The following THRA variants were observed in gnomAD, a reference collection of about 807,000 sequenced individuals.
THRA encodes EAR-7.
A neutral mutation model predicts 45.0 loss-of-function variants in THRA; 13 were observed. The observed-to-expected ratio is 0.29, with a 90% CI of 0.19 to 0.46. The LOEUF is 0.46. Among genes scored for constraint, THRA ranks in the 20% least tolerant of loss-of-function variants. THRA has a pLI of 1.00. For synonymous variants in THRA, 195 were observed against 214.0 expected, an observed-to-expected ratio of 0.91 and a Z score of 0.78; for missense variants, 278 against 556.1, an observed-to-expected ratio of 0.50 and a Z score of 5.03.
intron 2 of THRA, among the ~76,000 whole-genome samples, chr17:40,075,995 C>T (rs1024558109): frequency 4.6e-5 from 7 of 152,180 alleles, no homozygotes; most frequent in Non-Finnish European, 8.8e-5. Flanking sequence ...AGGGTGGGTG[C>T]GGGAGGTTAT....
At chr17:40,066,074 C>T (rs950613668) in intron 1 of THRA, among the ~76,000 whole-genome samples, 25 of 152,314 alleles carry the variant, frequency 1.6e-4, no homozygotes, top group Admixed American at 6.5e-4. Context: ...TTTTGCCCAG[C>T]CTCAGGGCCT....
In THRA at chr17:40,074,477, G is replaced by T; in HGVS notation, c.-12G>T. 1 of 1,614,078 alleles carries T rather than the reference G, an allele frequency of 6.2e-7. No individual in the cohort carries two copies. The highest frequency in any genetic ancestry group is 8.5e-7 in the Non-Finnish European group (1 of 1,179,956). ...GGCGTGCTGGAGGGCATCCTGGATG[G>T]AATTGAAGTGAATGGAACAGAAGCC... On this transcript the variant is annotated 5_prime_UTR_variant, in exon 2 of 9. The change creates a premature stop within an existing upstream ORF in the 5' untranslated region. Coordinates refer to ENST00000450525, the MANE Select transcript of THRA (RefSeq NM_199334.5).
intron 4 of THRA, among the ~76,000 whole-genome samples, chr17:40,081,376 T>C (rs1987131999): frequency 1.3e-5 from 2 of 152,088 alleles, no homozygotes; most frequent in African/African-American, 2.4e-5. Context: ...TCCTCCCACC[T>C]CAGCCTCCAG....
chr17:40,074,331 T>C lies in THRA; in HGVS notation c.-158T>C, dbSNP rs555119670. Reference sequence around the variant, plus strand: ...CCCGCCCCCCTTGGGGCGCAGGGCATGGTGTGAAAGGCCAAGTGCTGAGGC... The same window carrying C: ...CCCGCCCCCCTTGGGGCGCAGGGCACGGTGTGAAAGGCCAAGTGCTGAGGC... On this transcript the variant is annotated 5_prime_UTR_variant, in exon 2 of 9. An upstream start codon of the reference 5' UTR is lost. Transcript: ENST00000450525. The C allele has an allele frequency of 5.5e-4, 404 of 730,622 alleles. 4 individuals carry two copies. The highest frequency in any genetic ancestry group is 2.8e-5 in the Non-Finnish European group (12 of 432,548). The allele number at this position is 730,622 out of a possible 1,614,324, so 45.3% of individuals were successfully genotyped here. A position where few individuals can be genotyped will look rare whatever the true frequency, so the allele number is the denominator to read the frequency against.
chr17:40,089,967 T>A lies in THRA; in HGVS notation c.*511T>A. 1 of 990,366 alleles carries A rather than the reference T, an allele frequency of 1.0e-6. No homozygotes were observed. Among genetic ancestry groups the A allele is most frequent in the South Asian group, 4.6e-5 (1 of 21,628 alleles). 61.3% of individuals were successfully genotyped at this position (990,366 alleles called of 1,614,324 possible). A position where few individuals can be genotyped will look rare whatever the true frequency, so the allele number is the denominator to read the frequency against. ...GGCTCCTCCTCTGGAGGTTAAAATT[T>A]ATAGTCATTCTAACTGCACTTTGGA... is the stretch of plus-strand genomic sequence containing the variant. On this transcript the variant is annotated 3_prime_UTR_variant, in exon 9 of 9. Transcript: ENST00000450525. The surrounding 1 kb of genome is among the most constrained non-coding windows in gnomAD (Gnocchi z 6.1).
intron 3 of THRA, 70 bp from the exon 4 acceptor site, chr17:40,077,438 A>G: frequency 7.1e-7 from 1 of 1,408,616 alleles, no homozygotes; most frequent in Non-Finnish European, 1.0e-6. Flanking sequence ...GGGATGGGGA[A>G]AAGTGTGAGA....
At chr17:40,083,411 T>G (rs1987215504) in intron 4 of THRA, among the ~76,000 whole-genome samples, 1 of 151,546 alleles carries the variant, frequency 6.6e-6, no homozygotes, top group Admixed American at 6.6e-5. Flanking sequence ...CAGGGTTTCT[T>G]CATGTTGGTC....
intron 1 of THRA, among the ~76,000 whole-genome samples, chr17:40,069,526 G>A (rs760159923): frequency 9.2e-5 from 14 of 151,986 alleles, no homozygotes; most frequent in Non-Finnish European, 1.8e-4. Context: ...AAGTGCCTTG[G>A]CCCCGTGACA....
intron 6 of THRA, 93 bp downstream of exon 6, chr17:40,084,908 AGT>A (rs1987270967): frequency 1.1e-5 from 16 of 1,417,070 alleles, no homozygotes; most frequent in Non-Finnish European, 1.5e-5. Flanking sequence ...AAGTCTTCTT[AGT>A]GTAATCCAAC....
chr17:40,078,017 T>A (rs1455862813), intron 4 of THRA, among the ~76,000 whole-genome samples: 1 of 152,208 alleles, frequency 6.6e-6, no homozygotes, highest in Non-Finnish European at 1.5e-5. Flanking sequence ...TCTTATTCAT[T>A]CATTTACTCA....
chr17:40,076,739 T>TG (rs946277418), intron 2 of THRA, 132 bp from the exon 3 acceptor site: 4 of 889,760 alleles, frequency 4.5e-6, no homozygotes, highest in South Asian at 3.4e-5. Context: ...CAGCTGACCC[T>TG]GGGGGGTGGG....
chr17:40,085,232 C>T (rs1327189143), intron 6 of THRA, among the ~76,000 whole-genome samples: 2 of 152,186 alleles, frequency 1.3e-5, no homozygotes, highest in Non-Finnish European at 2.9e-5. Context: ...TGCAGTGGCT[C>T]ATGCCTGTAA....
At chr17:40,066,685 G>C (rs7215512) in intron 1 of THRA, among the ~76,000 whole-genome samples, 1 of 68,036 alleles carries the variant, frequency 1.5e-5, no homozygotes, top group African/African-American at 8.8e-5. Flanking sequence ...AAAAAAAAAA[G>C]AAAAACAAAA....
intron 7 of THRA, chr17:40,087,066 C>A: frequency 1.7e-6 from 1 of 596,696 alleles, no homozygotes; most frequent in Non-Finnish European, 2.9e-6. Flanking sequence ...CGGACACACA[C>A]ACACACCTAG....
In THRA at chr17:40,074,446, T is replaced by G; in HGVS notation, c.-43T>G. ...GGGGGGGCCAGTGTGCCCACCCCAG[T>G]CTCTTGGCGTGCTGGAGGGCATCCT... On this transcript the variant is annotated 5_prime_UTR_variant, in exon 2 of 9. Transcript: ENST00000450525. The G allele has an allele frequency of 6.2e-7, 1 of 1,612,410 alleles. No individual in the cohort carries two copies. The highest frequency in any genetic ancestry group is 8.5e-7 in the Non-Finnish European group (1 of 1,178,698).
chr17:40,076,293 G>A (rs1487334016), intron 2 of THRA, among the ~76,000 whole-genome samples: 1 of 152,096 alleles, frequency 6.6e-6, no homozygotes, highest in East Asian at 1.9e-4. Context: ...CAAGCAACAC[G>A]TGCACACTGG....
intron 5 of THRA, 65 bp from the exon 6 acceptor site, chr17:40,084,545 C>A: frequency 1.3e-6 from 2 of 1,567,098 alleles, no homozygotes; most frequent in South Asian, 2.3e-5. Context: ...GAGTAGTTTC[C>A]GGGAGCATTA....
At chr17:40,077,943 C>T (rs1027168004) in intron 4 of THRA, among the ~76,000 whole-genome samples, 3 of 152,150 alleles carry the variant, frequency 2.0e-5, no homozygotes, top group Non-Finnish European at 4.4e-5. Flanking sequence ...GGTGACCACC[C>T]GTCTCAGCCT....
intron 2 of THRA, among the ~76,000 whole-genome samples, chr17:40,075,070 C>T (rs1190084616): frequency 6.6e-6 from 1 of 152,276 alleles, no homozygotes; most frequent in Non-Finnish European, 1.5e-5. Flanking sequence ...GCGGGCACTG[C>T]GATGGGGCTC....
Sources: allele counts gnomAD v4.1 joint callset (sites outside exome capture counted in the v4.1 genomes callset), GRCh38; gene constraint gnomAD v4.1.1; non-coding constraint Gnocchi (gnomAD v3.1); transcripts MANE v1.5; gene names NCBI Gene and HGNC (gene_info 2026-07-23, HGNC 2026-07-21).